The following F13A1 variants were observed in gnomAD, a reference collection of about 807,000 sequenced individuals.
F13A1 encodes the protein FSF, A subunit.
In F13A1, 47 loss-of-function variants were observed where a neutral mutation model predicts 80.1. That is an observed-to-expected ratio of 0.59 (90% CI 0.46 to 0.75). F13A1 has a LOEUF of 0.75. Among genes scored for constraint, F13A1 ranks in the 30% least tolerant of loss-of-function variants. F13A1 has a pLI of 0.00. For missense variants in F13A1, 817 were observed against 930.4 expected (o/e 0.88, Z 1.59); for synonymous variants, 349 against 344.9 (o/e 1.01, Z -0.13).
intron 2 of F13A1, among the ~76,000 whole-genome samples, chr6:6,317,522 G>A (rs1485643137): frequency 6.6e-6 from 1 of 152,032 alleles, no homozygotes; most frequent in Non-Finnish European, 1.5e-5. Flanking sequence ...TAGTGTGACA[G>A]TAACACAATG....
chr6:6,318,389 C>T, intron 2 of F13A1, 146 bp downstream of exon 2: 3 of 1,112,874 alleles, frequency 2.7e-6, no homozygotes, highest in East Asian at 2.4e-5. Flanking sequence ...CTTTTGCTTT[C>T]TTCCTTTATA....
intron 3 of F13A1, among the ~76,000 whole-genome samples, chr6:6,267,961 T>A (rs1293351811): frequency 6.6e-6 from 1 of 152,214 alleles, no homozygotes; most frequent in Non-Finnish European, 1.5e-5. Flanking sequence ...ATGAAGACAA[T>A]CACTAGTTTC....
At chr6:6,219,173 G>A (rs755250292) in intron 8 of F13A1, among the ~76,000 whole-genome samples, 2 of 152,102 alleles carry the variant, frequency 1.3e-5, no homozygotes, top group African/African-American at 4.8e-5. Flanking sequence ...TGTGGAGGGA[G>A]GTAAGTATGA....
Position 6,243,625 on chromosome 6 carries a change from A to C in F13A1, c.798+4687T>G, listed in dbSNP as rs1757516228. On this transcript the variant is annotated intron_variant, in intron 6 of 14. Transcript: ENST00000264870. The surrounding 1 kb of genome is among the most constrained non-coding windows in gnomAD (Gnocchi z 4.2). ...CGTGTTGATAGTGGCCCTCTAAGGT[A>C]ATATGATCTGAGAGTAAGGACCATA... is the stretch of plus-strand genomic sequence containing the variant. 6.6e-6 allele frequency among the ~76,000 whole-genome samples: 1 copy of C among 152,220 alleles called. No homozygotes were observed.
At chr6:6,290,877 T>A (rs1267913) in intron 3 of F13A1, among the ~76,000 whole-genome samples, 2 of 152,068 alleles carry the variant, frequency 1.3e-5, no homozygotes, top group Admixed American at 6.5e-5. Context: ...TGAAAGAGTA[T>A]AGGCTAAGAA....
At chr6:6,235,660 C>A (rs543571615) in intron 6 of F13A1, among the ~76,000 whole-genome samples, 2 of 152,136 alleles carry the variant, frequency 1.3e-5, no homozygotes, top group African/African-American at 4.8e-5. Flanking sequence ...ATATGCAACA[C>A]TTTAGACTCT....
chr6:6,231,906 C>T (rs1194878207), intron 6 of F13A1, among the ~76,000 whole-genome samples: 2 of 152,160 alleles, frequency 1.3e-5, no homozygotes, highest in Non-Finnish European at 2.9e-5. Flanking sequence ...CAAGCCACCA[C>T]TACAAGAACT....
At chr6:6,211,832 G>A (rs528676004) in intron 8 of F13A1, among the ~76,000 whole-genome samples, 8 of 152,232 alleles carry the variant, frequency 5.3e-5, no homozygotes, top group Non-Finnish European at 8.8e-5. Context: ...CACCATGCGC[G>A]AGCCAAAGCA....
rs112747104 is a variant in F13A1, at chr6:6,253,700, A to C, written c.572-2771T>G. On this transcript the variant is annotated intron_variant, in intron 4 of 14. Transcript: ENST00000264870. ...TTCTTTTTAATGTAGCATTAGTGTG[A>C]TTATAGCTAACTGAAACAAAGCTAC... Among the ~76,000 whole-genome samples, 1,390 of 152,342 alleles carry C rather than the reference A, an allele frequency of 9.1e-3. 22 individuals are homozygous for C. The highest frequency in any genetic ancestry group is 0.032 in the African/African-American group (1,315 of 41,574).
At chr6:6,319,369 T>G (rs1212697690) in intron 1 of F13A1, among the ~76,000 whole-genome samples, 4 of 152,094 alleles carry the variant, frequency 2.6e-5, no homozygotes, top group Non-Finnish European at 5.9e-5. Context: ...TGGAGGAGGA[T>G]AAGGAGGTGG....
intron 8 of F13A1, among the ~76,000 whole-genome samples, chr6:6,201,562 G>A (rs993166946): frequency 6.6e-6 from 1 of 152,166 alleles, no homozygotes; most frequent in East Asian, 1.9e-4. Context: ...AATGACTAGG[G>A]GAATTGTGTC....
At chr6:6,230,569 G>A (rs1264459880) in intron 6 of F13A1, among the ~76,000 whole-genome samples, 1 of 152,224 alleles carries the variant, frequency 6.6e-6, no homozygotes, top group South Asian at 2.1e-4. Flanking sequence ...GCCCACCACT[G>A]GTTCCTCCCC....
chr6:6,217,283 G>T (rs983550548), intron 8 of F13A1, among the ~76,000 whole-genome samples: 2 of 152,044 alleles, frequency 1.3e-5, no homozygotes, highest in Non-Finnish European at 2.9e-5. Context: ...CAACCCAAAT[G>T]TCCACAAATG....
At chr6:6,174,912 CAG>C (rs1338868469) in intron 11 of F13A1, 45 bp from the exon 12 acceptor site, 1 of 1,611,870 alleles carries the variant, frequency 6.2e-7, no homozygotes, top group East Asian at 2.2e-5. Context: ...TACAATCCAC[CAG>C]AGAGAAAGTC....
chr6:6,224,740 C>T lies in F13A1; in HGVS notation c.919G>A (p.Glu307Lys), dbSNP rs1757251137. The T allele has an allele frequency of 2.5e-6, 4 of 1,614,148 alleles. No homozygotes were observed. The South Asian group carries it at 4.4e-5, about 18-fold the overall frequency. ...VDILLEYRSS[E>K]NPVRYGQCWV... ...CATTGGCCATACCGGACTGGATTCTCAGAGCTCCGGTATTCCAATAGAATG... is the reference window on the plus strand; with the variant it reads ...CATTGGCCATACCGGACTGGATTCTTAGAGCTCCGGTATTCCAATAGAATG... The change falls in exon 7 of 15, where the codon GAG becomes AAG. Residue 307 changes from glutamate (E) to lysine (K), a missense_variant. By Grantham distance (56) the Glu-to-Lys change is moderately conservative. Transcript: ENST00000264870.
chr6:6,240,188 A>C lies in F13A1; in HGVS notation c.798+8124T>G, dbSNP rs188490527. ...CATTTAGATTGCCCATGATTATCAC[A>C]TTCGAGAGATGCCTTGTAATAAATG... On this transcript the variant is annotated intron_variant, in intron 6 of 14. Transcript: ENST00000264870. Among the ~76,000 whole-genome samples the C allele has an allele frequency of 2.0e-5, 3 of 152,312 alleles. No homozygotes were observed. In the South Asian group the frequency reaches 6.2e-4, roughly 32 times the overall value.
intron 1 of F13A1, 81 bp from the exon 2 acceptor site, chr6:6,318,763 G>T: frequency 6.9e-7 from 1 of 1,456,434 alleles, no homozygotes. Context: ...CCAAAATAGA[G>T]AAACAGATAT....
intron 6 of F13A1, among the ~76,000 whole-genome samples, chr6:6,245,927 T>G (rs1022499729): frequency 1.3e-5 from 2 of 152,216 alleles, no homozygotes; most frequent in Non-Finnish European, 2.9e-5. Flanking sequence ...ATGACCAGGC[T>G]GGGAGGTGTT....
At chr6:6,237,776 G>A (rs1757431911) in intron 6 of F13A1, among the ~76,000 whole-genome samples, 1 of 152,170 alleles carries the variant, frequency 6.6e-6, no homozygotes, top group Non-Finnish European at 1.5e-5. Flanking sequence ...AGGAAGGAAG[G>A]CACTATGCTG....
Sources: gnomAD v4.1 joint callset for allele counts (sites outside exome capture counted in the v4.1 genomes callset) on GRCh38, gnomAD v4.1.1 for gene constraint, Gnocchi (gnomAD v3.1) non-coding constraint, MANE v1.5 for transcripts, NCBI Gene and HGNC (gene_info 2026-07-23, HGNC 2026-07-21) for gene names.